Variants in EYS observed in about 807,000 individuals in gnomAD.
EYS encodes EGF-like photoreceptor maintenance factor.
A neutral mutation model predicts 282.1 loss-of-function variants in EYS; 250 were observed. The observed-to-expected ratio is 0.89, with a 90% CI of 0.80 to 0.98. The LOEUF is 0.98. Ranked by LOEUF, EYS falls within the 50% of genes least tolerant of loss-of-function variation. The probability of loss-of-function intolerance (pLI) is 0.00; values close to 1 mark genes in which losing one functional copy is unlikely to be tolerated. For synonymous variants in EYS, 1,355 were observed against 1,282.9 expected (o/e 1.06, Z -1.20); for missense variants, 4,016 against 3,709.0 (o/e 1.08, Z -2.15).
chr6:64,564,804 G>A lies in EYS; in HGVS notation c.5644+25419C>T, dbSNP rs539942259. ...GCCTGTAGGTTGGGGTGGGGGTCGGGGGCTAGGGGAGGGATAGCATTAGGA... is the reference window on the plus strand; with the variant it reads ...GCCTGTAGGTTGGGGTGGGGGTCGGAGGCTAGGGGAGGGATAGCATTAGGA... On this transcript the variant is annotated intron_variant, in intron 26 of 42. Coordinates refer to ENST00000503581, the MANE Select transcript of EYS (RefSeq NM_001142800.2). 2.6e-5 allele frequency among the ~76,000 whole-genome samples: 4 copies of A among 151,998 alleles called. No homozygotes were observed. In the South Asian group the frequency reaches 8.3e-4, roughly 32 times the overall value.
At position 64,537,477 on chromosome 6, in the gene EYS, A is replaced by C. The variant is rs557619196; in HGVS notation, c.5644+52746T>G. 5.9e-5 allele frequency among the ~76,000 whole-genome samples: 9 copies of C among 152,260 alleles called. No homozygotes were observed. In the East Asian group the frequency reaches 1.5e-3, roughly 26 times the overall value. On this transcript the variant is annotated intron_variant, in intron 26 of 42. Coordinates refer to ENST00000503581, the MANE Select transcript of EYS (RefSeq NM_001142800.2). ...GTTGAACACATGGATAAATCAATAC[A>C]TTCTGACTTTTTAAAAAGTCCATTT...
At chr6:65,455,764 C>G (rs1361258997) in intron 5 of EYS, among the ~76,000 whole-genome samples, 1 of 152,004 alleles carries the variant, frequency 6.6e-6, no homozygotes, top group Non-Finnish European at 1.5e-5. Flanking sequence ...AACAAAAAGT[C>G]TTCCATCAAA....
chr6:64,444,836 C>T (rs918329430), intron 26 of EYS, among the ~76,000 whole-genome samples: 2 of 152,162 alleles, frequency 1.3e-5, no homozygotes, highest in African/African-American at 2.4e-5. Flanking sequence ...TGATATATGG[C>T]TGTTTAAAAG....
intron 26 of EYS, among the ~76,000 whole-genome samples, chr6:64,573,911 C>T (rs527657549): frequency 1.3e-5 from 2 of 152,146 alleles, no homozygotes; most frequent in Non-Finnish European, 2.9e-5. Flanking sequence ...TTTGACCCAG[C>T]AATTCCATTA....
intron 35 of EYS, among the ~76,000 whole-genome samples, chr6:63,867,745 A>G (rs552227847): frequency 6.6e-6 from 1 of 152,154 alleles, no homozygotes; most frequent in Non-Finnish European, 1.5e-5. Context: ...ACTGGCACCA[A>G]AGGATTACCA....
At chr6:63,724,983 A>G (rs1054696691) in intron 42 of EYS, among the ~76,000 whole-genome samples, 9 of 152,260 alleles carry the variant, frequency 5.9e-5, no homozygotes, top group African/African-American at 2.2e-4. Flanking sequence ...ATTTTCTGCA[A>G]CCTTAAATAA....
chr6:64,079,955 A>G lies in EYS; in HGVS notation c.6571+1901T>C, dbSNP rs540340837. On this transcript the variant is annotated intron_variant, in intron 32 of 42. Transcript: ENST00000503581. ...GGTTTATATGTGCCACATTTTCTTA[A>G]TCCAGTCTATCATTGTTGGACATTT... Among the ~76,000 whole-genome samples, 3 of 152,278 alleles carry G rather than the reference A, an allele frequency of 2.0e-5. No individual in the cohort carries two copies. The East Asian group carries it at 5.8e-4, about 29-fold the overall frequency.
intron 9 of EYS, among the ~76,000 whole-genome samples, chr6:65,347,851 A>G (rs1296699202): frequency 2.6e-5 from 4 of 151,376 alleles, no homozygotes; most frequent in African/African-American, 9.7e-5. Flanking sequence ...TTTTGTACCC[A>G]TTATCTATCC....
At chr6:65,357,142 G>T (rs1282847300) in intron 8 of EYS, among the ~76,000 whole-genome samples, 1 of 151,806 alleles carries the variant, frequency 6.6e-6, no homozygotes, top group African/African-American at 2.4e-5. Context: ...TTGTTGAGAG[G>T]CTCATCATTT....
chr6:65,326,480 T>C (rs1217468350), intron 11 of EYS, among the ~76,000 whole-genome samples: 1 of 151,564 alleles, frequency 6.6e-6, no homozygotes, highest in Non-Finnish European at 1.5e-5. Flanking sequence ...AGTAGAATGT[T>C]TGATTTAACA....
At chr6:64,873,755 T>G (rs982517354) in intron 19 of EYS, among the ~76,000 whole-genome samples, 3 of 152,028 alleles carry the variant, frequency 2.0e-5, no homozygotes, top group African/African-American at 7.2e-5. Context: ...TGACTGAATC[T>G]TTCAACAATG....
intron 12 of EYS, among the ~76,000 whole-genome samples, chr6:65,060,825 A>G (rs1773554256): frequency 6.7e-6 from 1 of 149,568 alleles, no homozygotes; most frequent in Non-Finnish European, 1.5e-5. Context: ...TATATATGTA[A>G]TTTCTTTAAA....
intron 36 of EYS, among the ~76,000 whole-genome samples, chr6:63,861,282 A>C (rs2149708286): frequency 6.6e-6 from 1 of 152,156 alleles, no homozygotes; most frequent in East Asian, 1.9e-4. Context: ...ACCTTTTCAC[A>C]CTCTTCCCAG....
At chr6:64,260,445 T>C (rs1767549983) in intron 30 of EYS, among the ~76,000 whole-genome samples, 1 of 152,118 alleles carries the variant, frequency 6.6e-6, no homozygotes, top group Admixed American at 6.6e-5. Context: ...GTAGTTCTTA[T>C]ACCTCTTTGA....
At chr6:65,541,153 GC>G (rs1371987879) in intron 2 of EYS, among the ~76,000 whole-genome samples, 2 of 151,950 alleles carry the variant, frequency 1.3e-5, no homozygotes, top group Admixed American at 6.6e-5. Flanking sequence ...TGGAAATATA[GC>G]CCTTAAAGTT....
chr6:64,315,374 G>C (rs960705575), intron 29 of EYS, among the ~76,000 whole-genome samples: 2 of 151,632 alleles, frequency 1.3e-5, no homozygotes, highest in South Asian at 4.2e-4. Context: ...TGAAACTATT[G>C]CAAACAATGG....
chr6:63,805,267 T>G (rs77880181), intron 37 of EYS, among the ~76,000 whole-genome samples: 1,805 of 152,284 alleles, frequency 0.012, 29 homozygotes, highest in African/African-American at 0.042. Context: ...TTCCTTGACT[T>G]AGCACATGCA....
intron 28 of EYS, among the ~76,000 whole-genome samples, chr6:64,408,371 T>C (rs1299568411): frequency 6.6e-6 from 1 of 152,044 alleles, no homozygotes; most frequent in Non-Finnish European, 1.5e-5. Flanking sequence ...TCCAATCACC[T>C]GAGGAGGGAG....
chr6:65,407,533 C>T (rs1318227046), intron 5 of EYS, among the ~76,000 whole-genome samples: 5 of 152,142 alleles, frequency 3.3e-5, no homozygotes, highest in Non-Finnish European at 5.9e-5. Context: ...GGATTACAGG[C>T]GTGAGCCACT....
Sources: allele counts gnomAD v4.1 joint callset (sites outside exome capture counted in the v4.1 genomes callset), GRCh38; gene constraint gnomAD v4.1.1; transcripts MANE v1.5; gene names NCBI Gene and HGNC (gene_info 2026-07-23, HGNC 2026-07-21).